The following NEGR1 variants were observed in gnomAD, a reference collection of about 807,000 sequenced individuals.
NEGR1 encodes the protein neuronal growth regulator 1, also known as IgLON family member 4.
NEGR1 carries 10 observed loss-of-function variants against 40.9 expected under a neutral mutation model. The ratio of observed to expected loss-of-function variants is 0.24; its 90% CI spans 0.15 to 0.42. The LOEUF is 0.42. NEGR1 is among the 10% of genes least tolerant of loss of function. The pLI is 1.00. For synonymous variants in NEGR1, 185 were observed against 166.8 expected (o/e 1.11, Z -0.84); for missense variants, 352 against 438.9 (o/e 0.80, Z 1.77).
intron 3 of NEGR1, among the ~76,000 whole-genome samples, chr1:71,740,732 A>T (rs1406470474): frequency 6.6e-6 from 1 of 152,246 alleles, no homozygotes; most frequent in Non-Finnish European, 1.5e-5. Flanking sequence ...AATTAAATAA[A>T]TTAAATTAAA....
At chr1:71,951,956 C>T (rs545138490) in intron 1 of NEGR1, among the ~76,000 whole-genome samples, 18 of 152,002 alleles carry the variant, frequency 1.2e-4, no homozygotes, top group African/African-American at 2.6e-4. Context: ...CCATACAAGA[C>T]GGCTAAGTTA....
intron 1 of NEGR1, among the ~76,000 whole-genome samples, chr1:72,032,784 A>G (rs533950607): frequency 1.9e-3 from 288 of 152,248 alleles, no homozygotes; most frequent in Non-Finnish European, 3.5e-3. Context: ...ATTGATTAGA[A>G]TCTTGGTGAG....
At chr1:71,710,529 G>T (rs1246337285) in intron 3 of NEGR1, among the ~76,000 whole-genome samples, 1 of 152,198 alleles carries the variant, frequency 6.6e-6, no homozygotes, top group Non-Finnish European at 1.5e-5. Context: ...ATACACAGTG[G>T]AGTACTATTA....
rs147254687 is a variant in NEGR1, at chr1:71,674,692, G to A, written c.667+23316C>T. ...GGTTAGCTTTTTCAATGAGTTAAGA[G>A]GACAAATGTGTAGACGAGATTGCTT... On this transcript the variant is annotated intron_variant, in intron 4 of 6. Coordinates refer to ENST00000357731, the MANE Select transcript of NEGR1 (RefSeq NM_173808.3). Among the ~76,000 whole-genome samples the A allele has an allele frequency of 3.9e-5, 6 of 151,938 alleles. No individual in the cohort carries two copies. In the East Asian group the frequency reaches 1.2e-3, roughly 29 times the overall value.
Position 71,582,576 on chromosome 1 carries a change from T to C in NEGR1, c.940+10241A>G, listed in dbSNP as rs145691115. ...ACACATATGGAAGGAGCAGATCTCA[T>C]CTTTTCAAAGTCAGAAGAGATTCTC... On this transcript the variant is annotated intron_variant, in intron 6 of 6. Coordinates refer to ENST00000357731, the MANE Select transcript of NEGR1 (RefSeq NM_173808.3). Among the ~76,000 whole-genome samples, 3 of 152,352 alleles carry C rather than the reference T, an allele frequency of 2.0e-5. No individual in the cohort carries two copies. The East Asian group carries it at 5.8e-4, about 29-fold the overall frequency.
chr1:71,562,381 T>C (rs1464381828), intron 6 of NEGR1, among the ~76,000 whole-genome samples: 30 of 151,312 alleles, frequency 2.0e-4, no homozygotes. Flanking sequence ...TTTTTCCTGG[T>C]TCTAAAATAT....
intron 3 of NEGR1, among the ~76,000 whole-genome samples, chr1:71,715,380 C>T (rs1654239890): frequency 6.6e-6 from 1 of 152,214 alleles, no homozygotes; most frequent in Non-Finnish European, 1.5e-5. Context: ...TTTGGCTCCT[C>T]ATTATTTATG....
At chr1:72,019,157 C>A (rs184271300) in intron 1 of NEGR1, among the ~76,000 whole-genome samples, 1 of 152,054 alleles carries the variant, frequency 6.6e-6, no homozygotes, top group Non-Finnish European at 1.5e-5. Context: ...GAGTGAATGG[C>A]GGCCCTGTGC....
chr1:72,063,884 C>G (rs927980657), intron 1 of NEGR1, among the ~76,000 whole-genome samples: 4 of 151,588 alleles, frequency 2.6e-5, no homozygotes, highest in African/African-American at 9.7e-5. Context: ...AGAGAACCCC[C>G]CTGTAAGATG....
intron 1 of NEGR1, among the ~76,000 whole-genome samples, chr1:71,978,466 T>C (rs990151001): frequency 6.6e-6 from 1 of 152,074 alleles, no homozygotes; most frequent in African/African-American, 2.4e-5. Context: ...TGAAAATAAA[T>C]ACAAATTATG....
intron 1 of NEGR1, among the ~76,000 whole-genome samples, chr1:72,273,601 C>T (rs946681660): frequency 2.6e-5 from 4 of 151,908 alleles, no homozygotes; most frequent in South Asian, 4.1e-4. Context: ...CACACACACA[C>T]GCAAGTACAC....
At chr1:72,220,575 G>C (rs141711518) in intron 1 of NEGR1, among the ~76,000 whole-genome samples, 10 of 152,142 alleles carry the variant, frequency 6.6e-5, no homozygotes, top group African/African-American at 2.4e-4. Context: ...TCGGTAATAT[G>C]AATTGGCCTG....
At chr1:72,098,049 G>A (rs889381253) in intron 1 of NEGR1, among the ~76,000 whole-genome samples, 1 of 152,076 alleles carries the variant, frequency 6.6e-6, no homozygotes, top group Admixed American at 6.6e-5. Flanking sequence ...TGTCTGTGTT[G>A]TAGGGTCAAG....
At position 71,722,957 on chromosome 1, in the gene NEGR1, C is replaced by T. The variant is rs191253873; in HGVS notation, c.536-24818G>A. 2.6e-5 allele frequency among the ~76,000 whole-genome samples: 4 copies of T among 151,880 alleles called. No individual in the cohort carries two copies. In the East Asian group the frequency reaches 5.8e-4, roughly 22 times the overall value. On this transcript the variant is annotated intron_variant, in intron 3 of 6. Transcript: ENST00000357731. ...GCAACTACAGCTTCTTTTGTCATCC[C>T]ACATTAGTTTGTTTTTCCTAGTATT... is the stretch of plus-strand genomic sequence containing the variant.
chr1:71,755,441 T>C (rs1182414464), intron 3 of NEGR1, among the ~76,000 whole-genome samples: 1 of 152,198 alleles, frequency 6.6e-6, no homozygotes, highest in African/African-American at 2.4e-5. Flanking sequence ...TCCAAAACTT[T>C]CTATAGCTTC....
At chr1:72,044,383 A>G (rs950223917) in intron 1 of NEGR1, among the ~76,000 whole-genome samples, 2 of 151,514 alleles carry the variant, frequency 1.3e-5, no homozygotes, top group African/African-American at 4.8e-5. Flanking sequence ...CAGACAATAA[A>G]GAAGAAACTA....
rs12032545 is a variant in NEGR1, at chr1:71,614,758, G to A, written c.668-3612C>T. 0.012 allele frequency among the ~76,000 whole-genome samples: 1,815 copies of A among 152,166 alleles called. 67 individuals carry two copies. In the East Asian group the frequency reaches 0.12, roughly 10 times the overall value. On this transcript the variant is annotated intron_variant, in intron 4 of 6. Transcript: ENST00000357731. ...AAATCCGGAACATTGCCTGAAAACCGGAACATTGCCTGAAAACCCAGGCGT... is the reference window on the plus strand; with the variant it reads ...AAATCCGGAACATTGCCTGAAAACCAGAACATTGCCTGAAAACCCAGGCGT...
intron 1 of NEGR1, among the ~76,000 whole-genome samples, chr1:72,193,090 C>T (rs1652876941): frequency 6.6e-6 from 1 of 151,706 alleles, no homozygotes; most frequent in Non-Finnish European, 1.5e-5. Context: ...AACTTTTCTG[C>T]TCCTTGGATA....
intron 1 of NEGR1, among the ~76,000 whole-genome samples, chr1:72,108,628 C>A (rs1649229701): frequency 6.6e-6 from 1 of 151,448 alleles, no homozygotes; most frequent in Non-Finnish European, 1.5e-5. Context: ...AGTTGCTTTA[C>A]AGAATTCATG....
Sources: allele counts gnomAD v4.1 joint callset (sites outside exome capture counted in the v4.1 genomes callset), GRCh38; gene constraint gnomAD v4.1.1; transcripts MANE v1.5; gene names NCBI Gene and HGNC (gene_info 2026-07-23, HGNC 2026-07-21).